LHPP: variants seen among roughly 807,000 people sequenced by gnomAD.
LHPP encodes hLHPP.
LHPP carries 24 observed loss-of-function variants against 30.3 expected under a neutral mutation model. The observed-to-expected ratio is 0.79, with a 90% confidence interval of 0.57 to 1.11. The LOEUF is 1.11. Among genes scored for constraint, LHPP ranks in the 50% most tolerant of loss-of-function variants. The pLI is 0.00. For synonymous variants in LHPP, 150 were observed against 157.1 expected (o/e 0.95, Z 0.34); for missense variants, 356 against 367.2 (o/e 0.97, Z 0.25).
At chr10:124,535,636 G>T in intron 6 of LHPP, among the ~76,000 whole-genome samples, 1 of 149,792 alleles carries the variant, frequency 6.7e-6, no homozygotes, top group Non-Finnish European at 1.5e-5. Context: ...TTAAACTCCT[G>T]GCCTCAAGTG....
chr10:124,490,406 C>G (rs967485662), intron 3 of LHPP: 1 of 329,916 alleles, frequency 3.0e-6, no homozygotes, highest in African/African-American at 2.2e-5. Context: ...CAAACTCCTT[C>G]CTGCAACCTC....
At chr10:124,603,980 G>A (rs1949061588) in intron 6 of LHPP, among the ~76,000 whole-genome samples, 1 of 152,246 alleles carries the variant, frequency 6.6e-6, no homozygotes, top group Non-Finnish European at 1.5e-5. Context: ...TGCCATGTGA[G>A]CTCTTTGCAG....
chr10:124,482,146 G>A (rs564038451), intron 1 of LHPP, among the ~76,000 whole-genome samples: 1 of 152,334 alleles, frequency 6.6e-6, no homozygotes, highest in Non-Finnish European at 1.5e-5. Flanking sequence ...TTGCTCAGAT[G>A]GAAGTTGATT....
At chr10:124,540,345 C>A (rs903209277) in intron 6 of LHPP, among the ~76,000 whole-genome samples, 16 of 152,180 alleles carry the variant, frequency 1.1e-4, no homozygotes, top group African/African-American at 3.6e-4. Context: ...GGACTTGCGG[C>A]CGGGGACCCA....
chr10:124,610,785 C>CGGGTGA (rs1217371378), intron 6 of LHPP, among the ~76,000 whole-genome samples: 31 of 80,238 alleles, frequency 3.9e-4, no homozygotes, highest in Non-Finnish European at 5.9e-4. Context: ...GCTGATGGAG[C>CGGGTGA]GGGTGAGGGT....
intron 6 of LHPP, among the ~76,000 whole-genome samples, chr10:124,585,479 G>A (rs1034896461): frequency 2.6e-5 from 4 of 151,780 alleles, no homozygotes; most frequent in African/African-American, 4.9e-5. Flanking sequence ...GCCAGGCATG[G>A]TGGCTGGCGC....
chr10:124,547,263 G>T (rs750309081), intron 6 of LHPP, among the ~76,000 whole-genome samples: 6 of 152,190 alleles, frequency 3.9e-5, no homozygotes, highest in Non-Finnish European at 8.8e-5. Context: ...CCTGTTAACA[G>T]ATGTTTAGAC....
intron 6 of LHPP, among the ~76,000 whole-genome samples, chr10:124,543,746 C>T (rs568231906): frequency 4.4e-4 from 65 of 147,386 alleles, no homozygotes; most frequent in Non-Finnish European, 7.4e-4. Context: ...TTTTTTATGG[C>T]ACCTTCAATT....
Position 124,509,513 on chromosome 10 carries a change from G to A in LHPP, c.625-7667G>A, listed in dbSNP as rs553224731. 9.2e-5 allele frequency among the ~76,000 whole-genome samples: 14 copies of A among 152,056 alleles called. No homozygotes were observed. The South Asian group carries it at 1.7e-3, about 18-fold the overall frequency. On this transcript the variant is annotated intron_variant, in intron 5 of 6. Coordinates refer to ENST00000368842, the MANE Select transcript of LHPP (RefSeq NM_022126.4). Reference sequence around the variant, plus strand: ...TCCGTTCACCTTCCTGACCTGCTGCGTATACAGATGCTTGTTTCCCCACAT... The same window carrying A: ...TCCGTTCACCTTCCTGACCTGCTGCATATACAGATGCTTGTTTCCCCACAT...
In LHPP at chr10:124,571,151, T is replaced by C. The variant is rs576347414; in HGVS notation, c.717-42113T>C. 2.0e-5 allele frequency among the ~76,000 whole-genome samples: 3 copies of C among 152,366 alleles called. No homozygotes were observed. In the South Asian group the frequency reaches 6.2e-4, roughly 32 times the overall value. ...CTCCCCAGTCACGTGGAACTGTAAG[T>C]GCATTAAACCTCTTTCTTTTGTAAA... On this transcript the variant is annotated intron_variant, in intron 6 of 6. Transcript: ENST00000368842.
At chr10:124,547,828 C>T (rs529882782) in intron 6 of LHPP, among the ~76,000 whole-genome samples, 5 of 152,240 alleles carry the variant, frequency 3.3e-5, no homozygotes, top group African/African-American at 9.6e-5. Context: ...TGGTCAGTGT[C>T]GGTTATCAGC....
chr10:124,536,471 T>C (rs893421864), intron 6 of LHPP, among the ~76,000 whole-genome samples: 2 of 152,142 alleles, frequency 1.3e-5, no homozygotes, highest in Non-Finnish European at 2.9e-5. Flanking sequence ...CCCTCCACCC[T>C]GAGAAAGCCC....
rs534903287 is a variant in LHPP, at chr10:124,509,164, G to A, written c.625-8016G>A. Among the ~76,000 whole-genome samples the A allele has an allele frequency of 5.3e-5, 8 of 152,292 alleles. No homozygotes were observed. In the South Asian group the frequency reaches 1.7e-3, roughly 32 times the overall value. On this transcript the variant is annotated intron_variant, in intron 5 of 6. Transcript: ENST00000368842. ...CCTGCATTAGTTTGCTTAGGATAAT[G>A]GCCTCCAGTTCCATCCCTGTAGCTG...
chr10:124,585,627 A>G (rs1011080833), intron 6 of LHPP, among the ~76,000 whole-genome samples: 4 of 149,942 alleles, frequency 2.7e-5, no homozygotes, highest in African/African-American at 1.0e-4. Context: ...AAAAAAAAAA[A>G]GAAAAAGAAA....
Position 124,542,240 on chromosome 10 carries a change from G to A in LHPP, c.716+24969G>A, listed in dbSNP as rs1955213308. On this transcript the variant is annotated intron_variant, in intron 6 of 6. Coordinates refer to ENST00000368842, the MANE Select transcript of LHPP (RefSeq NM_022126.4). ...GGTGGGCACGGGGCTTGCACAGATC[G>A]GACTGTGACCCCAGGCTGTGGGACT... Among the ~76,000 whole-genome samples, 4 of 152,186 alleles carry A rather than the reference G, an allele frequency of 2.6e-5. No homozygotes were observed. The South Asian group carries it at 8.3e-4, about 31-fold the overall frequency.
chr10:124,531,164 T>C (rs1217657127), intron 6 of LHPP, among the ~76,000 whole-genome samples: 2 of 152,210 alleles, frequency 1.3e-5, no homozygotes, highest in Non-Finnish European at 2.9e-5. Flanking sequence ...AGGCCTTCCC[T>C]GGTGATGGAA....
At chr10:124,601,175 C>T (rs763545825) in intron 6 of LHPP, among the ~76,000 whole-genome samples, 63 of 152,252 alleles carry the variant, frequency 4.1e-4, no homozygotes, top group Admixed American at 1.0e-3. Context: ...ACTAGAGTGA[C>T]GTGTGCCTGG....
intron 5 of LHPP, among the ~76,000 whole-genome samples, chr10:124,514,029 A>C (rs1448052731): frequency 6.6e-6 from 1 of 152,206 alleles, no homozygotes; most frequent in Non-Finnish European, 1.5e-5. Flanking sequence ...AGCGTCAACC[A>C]AGTGCCAGTT....
In LHPP at chr10:124,462,056, A is replaced by AGGGGGCGGGGCGGCAGGGGGC. The variant is rs1554875616; in HGVS notation, c.125+74_125+94dup. 3.5e-6 allele frequency: 4 copies of AGGGGGCGGGGCGGCAGGGGGC among 1,154,182 alleles called. No individual in the cohort carries two copies. In the African/African-American group the frequency reaches 6.5e-5, roughly 19 times the overall value. 71.5% of individuals were successfully genotyped at this position (1,154,182 alleles called of 1,614,324 possible). On this transcript the variant is annotated intron_variant, in intron 1 of 6. Transcript: ENST00000368842. The stretch of plus-strand genomic sequence containing the variant: ...CTCAGCCCGCTCCCTGGCTGCCGGC[A>AGGGGGCGGGGCGGCAGGGGGC]GGGGGCGGGGCGGCAGGGGGCGGGG...
Sources: allele counts gnomAD v4.1 joint callset (sites outside exome capture counted in the v4.1 genomes callset), GRCh38; gene constraint gnomAD v4.1.1; transcripts MANE v1.5; gene names NCBI Gene and HGNC (gene_info 2026-07-23, HGNC 2026-07-21).